DENND2B: variants seen among roughly 807,000 people sequenced by gnomAD.
The protein encoded by DENND2B is DENN domain containing 2B.
A neutral mutation model predicts 116.0 loss-of-function variants in DENND2B; 32 were observed. The observed-to-expected ratio is 0.28, with a 90% CI of 0.21 to 0.37. The LOEUF is 0.37. DENND2B is among the 10% of genes least tolerant of loss of function. The pLI, the probability that DENND2B is intolerant of heterozygous loss-of-function variation, is 1.00. For synonymous variants in DENND2B, 588 were observed against 583.9 expected, an observed-to-expected ratio of 1.01 and a Z score of -0.10; for missense variants, 1,276 against 1,477.7, an observed-to-expected ratio of 0.86 and a Z score of 2.24.
At chr11:8,901,654 A>T (rs983972550) in intron 1 of DENND2B, among the ~76,000 whole-genome samples, 1 of 152,174 alleles carries the variant, frequency 6.6e-6, no homozygotes, top group African/African-American at 2.4e-5. Context: ...ATTTTGATAT[A>T]TCACATCTTT....
rs1237082315 is a variant in DENND2B, at chr11:8,693,820, C to T, written c.*276G>A. 5.6e-6 allele frequency: 2 copies of T among 354,372 alleles called. No homozygotes were observed. Among genetic ancestry groups the T allele is most frequent in the Non-Finnish European group, 1.0e-5 (2 of 194,836 alleles). The allele number at this position is 354,372 out of a possible 1,614,324, so 22.0% of individuals were successfully genotyped here. ...TCACGAGCACCCAGCGAAACTTCAT[C>T]CATGCTCTGGCAGGACAGGAAAGCA... is the stretch of plus-strand genomic sequence containing the variant. On this transcript the variant is annotated 3_prime_UTR_variant, in exon 20 of 20. Transcript: ENST00000313726.
intron 1 of DENND2B, among the ~76,000 whole-genome samples, chr11:8,895,343 A>G (rs1469957576): frequency 2.6e-5 from 4 of 152,190 alleles, no homozygotes; most frequent in Admixed American, 2.6e-4. Flanking sequence ...ACATGTATAC[A>G]TATGTAACAA....
rs145401771 is a variant in DENND2B, at chr11:8,693,870, T to C, written c.*226A>G. 27 of 502,360 alleles carry C rather than the reference T, an allele frequency of 5.4e-5. No homozygotes were observed. Among genetic ancestry groups the C allele is most frequent in the Non-Finnish European group, 8.4e-5 (24 of 284,396 alleles). The allele number at this position is 502,360 out of a possible 1,614,324, so 31.1% of individuals were successfully genotyped here. On this transcript the variant is annotated 3_prime_UTR_variant, in exon 20 of 20. Coordinates refer to ENST00000313726, the MANE Select transcript of DENND2B (RefSeq NM_213618.2). ...ACCCGGCCCCTTGGGAATATACAAA[T>C]ATTTGCCATATTCTCTTTGCTTGTT...
intron 1 of DENND2B, among the ~76,000 whole-genome samples, chr11:8,807,627 G>C (rs1208145275): frequency 1.3e-5 from 2 of 152,194 alleles, no homozygotes; most frequent in African/African-American, 2.4e-5. Flanking sequence ...GTAGAAGGAG[G>C]AAAGAGGGAG....
chr11:8,855,976 T>C (rs1374048810), intron 3 of DENND2B, among the ~76,000 whole-genome samples: 2 of 152,204 alleles, frequency 1.3e-5, no homozygotes, highest in Non-Finnish European at 2.9e-5. Flanking sequence ...TCTCCAATTC[T>C]TGTTCATCTT....
At chr11:8,802,126 C>T (rs569290137) in intron 1 of DENND2B, among the ~76,000 whole-genome samples, 1 of 151,446 alleles carries the variant, frequency 6.6e-6, no homozygotes, top group African/African-American at 2.4e-5. Flanking sequence ...TATGGCGAAA[C>T]CCCATCGATA....
chr11:8,841,879 CA>C (rs1272384346), intron 3 of DENND2B, among the ~76,000 whole-genome samples: 2 of 152,288 alleles, frequency 1.3e-5, no homozygotes, highest in East Asian at 3.9e-4. Context: ...TTCCTCTCCC[CA>C]AACACCTCCA....
intron 1 of DENND2B, among the ~76,000 whole-genome samples, chr11:8,751,925 A>C (rs1480625453): frequency 6.6e-6 from 1 of 152,226 alleles, no homozygotes; most frequent in Non-Finnish European, 1.5e-5. Context: ...TTAAAAAGAA[A>C]AAAGTCACCT....
chr11:8,844,400 G>A (rs1000407923), intron 3 of DENND2B, among the ~76,000 whole-genome samples: 24 of 151,844 alleles, frequency 1.6e-4, no homozygotes, highest in Middle Eastern at 3.2e-3. Flanking sequence ...ACTCTGTCTC[G>A]ACAAAAATGT....
intron 4 of DENND2B, among the ~76,000 whole-genome samples, chr11:8,827,101 T>C (rs1208883014): frequency 6.6e-6 from 1 of 152,220 alleles, no homozygotes; most frequent in Non-Finnish European, 1.5e-5. Context: ...GGGAACATAC[T>C]TGAGCACCAC....
At chr11:8,750,496 G>A (rs2134043476) in intron 2 of DENND2B, 125 bp downstream of exon 2, 1 of 757,444 alleles carries the variant, frequency 1.3e-6, no homozygotes, top group South Asian at 1.7e-5. Context: ...TGGTCAGCAT[G>A]AGCTGGCCTA....
chr11:8,786,995 T>C (rs2058971965), intron 1 of DENND2B: 1 of 152,214 alleles, frequency 6.6e-6, no homozygotes, highest in Non-Finnish European at 1.5e-5. Flanking sequence ...TGTTAATTCA[T>C]TTAATACTGT....
intron 4 of DENND2B, chr11:8,718,552 A>G (rs1438704205): frequency 9.1e-6 from 13 of 1,421,082 alleles, no homozygotes; most frequent in Non-Finnish European, 1.2e-5. Context: ...TGACTCTCCT[A>G]CTGTAGTGTC....
At chr11:8,899,699 G>A (rs996650041) in intron 1 of DENND2B, among the ~76,000 whole-genome samples, 4 of 152,172 alleles carry the variant, frequency 2.6e-5, no homozygotes, top group African/African-American at 9.7e-5. Flanking sequence ...AAGAAATACT[G>A]AAGGAAGTTT....
At chr11:8,901,229 C>CTTTTTTTTTCT (rs2064165812) in intron 1 of DENND2B, among the ~76,000 whole-genome samples, 1 of 83,918 alleles carries the variant, frequency 1.2e-5, no homozygotes, top group Non-Finnish European at 2.2e-5. Context: ...CTTTTCTTTT[C>CTTTTTTTTTCT]TTTTTTTTTT....
In DENND2B at chr11:8,831,533, T is replaced by C. The variant is rs186961326; in HGVS notation, c.-115+7777A>G. 5.9e-3 allele frequency: 895 copies of C among 152,252 alleles called. 6 individuals are homozygous for C. The highest frequency in any genetic ancestry group is 0.027 in the Middle Eastern group (8 of 294). 9.4% of individuals were successfully genotyped at this position (152,252 alleles called of 1,614,324 possible). A position where few individuals can be genotyped will look rare whatever the true frequency, so the allele number is the denominator to read the frequency against. On this transcript the variant is annotated intron_variant, in intron 4 of 6. Transcript: ENST00000524757. ...CCAGACACACACACACACCCTTGGG[T>C]AGACACAGGGCAATAAGCCTACCTC...
chr11:8,705,498 T>C (rs1251324596), intron 13 of DENND2B, among the ~76,000 whole-genome samples: 2 of 152,194 alleles, frequency 1.3e-5, no homozygotes, highest in African/African-American at 4.8e-5. Flanking sequence ...CCTCTGCACG[T>C]TGGGGTTCCC....
chr11:8,802,036 C>T (rs922240038), intron 1 of DENND2B, among the ~76,000 whole-genome samples: 3 of 148,376 alleles, frequency 2.0e-5, no homozygotes, highest in African/African-American at 7.5e-5. Context: ...TGCAGTGGCT[C>T]ACACCTATAA....
chr11:8,835,089 C>T (rs2062366177), intron 4 of DENND2B, among the ~76,000 whole-genome samples: 1 of 151,948 alleles, frequency 6.6e-6, no homozygotes. Flanking sequence ...TACAAAAATA[C>T]AAAAATTAGC....
Sources: gnomAD v4.1 joint callset for allele counts (sites outside exome capture counted in the v4.1 genomes callset) on GRCh38, gnomAD v4.1.1 for gene constraint, MANE v1.5 for transcripts, NCBI Gene and HGNC (gene_info 2026-07-23, HGNC 2026-07-21) for gene names.